PODXL2: variants seen among roughly 807,000 people sequenced by gnomAD.
PODXL2 encodes podocalyxin-like protein 2.
PODXL2 carries 17 observed loss-of-function variants against 53.4 expected under a neutral mutation model. The observed-to-expected ratio is 0.32, with a 90% CI of 0.22 to 0.48. PODXL2 has a LOEUF of 0.48. Ranked by LOEUF, PODXL2 falls within the 20% of genes least tolerant of loss-of-function variation. The probability of loss-of-function intolerance (pLI) is 0.99; values close to 1 mark genes in which losing one functional copy is unlikely to be tolerated. For missense variants in PODXL2, 673 were observed against 760.0 expected (o/e 0.89, Z 1.35); for synonymous variants, 311 against 306.7 (o/e 1.01, Z -0.15).
In PODXL2 at chr3:127,668,497, G is replaced by A; in HGVS notation, c.1263G>A (p.Leu421=). The part of the protein sequence containing the change: ...PQLLALVEEV[L]PRHGSGHHGA... ...TCCTGGCCCTGGTGGAAGAGGTGCTGCCCCGCCATGGCAGTGGCCACCATG... is the reference window on the plus strand; with the variant it reads ...TCCTGGCCCTGGTGGAAGAGGTGCTACCCCGCCATGGCAGTGGCCACCATG... The change falls in exon 5 of 8, where the codon CTG becomes CTA. Residue 421 remains leucine, a synonymous_variant. Transcript: ENST00000342480. The A allele has an allele frequency of 1.3e-6, 2 of 1,496,510 alleles. No homozygotes were observed. The highest frequency in any genetic ancestry group is 1.8e-6 in the Non-Finnish European group (2 of 1,123,080). The allele number at this position is 1,496,510 out of a possible 1,614,324, so 92.7% of individuals were successfully genotyped here. A position where few individuals can be genotyped will look rare whatever the true frequency, so the allele number is the denominator to read the frequency against.
chr3:127,637,101 G>T (rs2074582344), intron 1 of PODXL2, among the ~76,000 whole-genome samples: 1 of 152,176 alleles, frequency 6.6e-6, no homozygotes, highest in Non-Finnish European at 1.5e-5. Flanking sequence ...GGGATTTACA[G>T]GTGTGAGCCA....
At chr3:127,649,294 A>C (rs763555219) in intron 2 of PODXL2, among the ~76,000 whole-genome samples, 2 of 152,224 alleles carry the variant, frequency 1.3e-5, no homozygotes, top group Non-Finnish European at 2.9e-5. Context: ...TTCTTTGGGC[A>C]GTCCCCTGCC....
chr3:127,659,068 A>C (rs1007129067), intron 2 of PODXL2, among the ~76,000 whole-genome samples: 3 of 152,226 alleles, frequency 2.0e-5, no homozygotes, highest in Admixed American at 1.3e-4. Context: ...TCAATATCCA[A>C]GAAATTTTTC....
rs116296535 is a variant in PODXL2 at position 127,660,974 on chromosome 3, A to G, written c.946A>G (p.Ser316Gly). The G allele has an allele frequency of 2.5e-6, 4 of 1,614,216 alleles. No individual in the cohort carries two copies. In the East Asian group the frequency reaches 8.9e-5, roughly 36 times the overall value. The change falls in exon 3 of 8, where the codon AGT becomes GGT. Residue 316 changes from serine (S) to glycine (G), a missense_variant. Transcript: ENST00000342480. ...TTCATTCCCTCAAACCACAGCTCCCAGTGGGGCCGAGCACCCAGATGAAGA... is the reference window on the plus strand; with the variant it reads ...TTCATTCCCTCAAACCACAGCTCCCGGTGGGGCCGAGCACCCAGATGAAGA... Reference protein sequence around the residue: ...LPSFPQTTAPSGAEHPDEDPL... With the variant: ...LPSFPQTTAPGGAEHPDEDPL...
intron 2 of PODXL2, among the ~76,000 whole-genome samples, chr3:127,659,969 C>CG (rs2074753437): frequency 6.6e-6 from 1 of 152,222 alleles, no homozygotes; most frequent in South Asian, 2.1e-4. Context: ...ACTCTTATAA[C>CG]GACTCACTAG....
intron 4 of PODXL2, among the ~76,000 whole-genome samples, chr3:127,664,564 T>C (rs771761742): frequency 4.6e-5 from 7 of 152,190 alleles, no homozygotes; most frequent in Non-Finnish European, 5.9e-5. Context: ...TTAAATTTTT[T>C]TGAGGAATCT....
chr3:127,647,881 A>AG (rs1307935682), intron 2 of PODXL2, among the ~76,000 whole-genome samples: 1 of 152,230 alleles, frequency 6.6e-6, no homozygotes, highest in Non-Finnish European at 1.5e-5. Context: ...CCCTGAAGCC[A>AG]GGGGACATTC....
rs896524600 is a variant in PODXL2, at chr3:127,659,682, T to C, written c.350-696T>C. Reference sequence around the variant, plus strand: ...TCTGATCTCCAGGAAGTCTCCTAACTTCTCTGCTTCAAAATGTAATTCCCA... The same window carrying C: ...TCTGATCTCCAGGAAGTCTCCTAACCTCTCTGCTTCAAAATGTAATTCCCA... On this transcript the variant is annotated intron_variant, in intron 2 of 7. Transcript: ENST00000342480. 3.9e-5 allele frequency among the ~76,000 whole-genome samples: 6 copies of C among 152,328 alleles called. 1 individual carries two copies. The South Asian group carries it at 1.0e-3, about 26-fold the overall frequency.
chr3:127,641,688 T>C (rs1432491064), intron 2 of PODXL2, among the ~76,000 whole-genome samples: 1 of 151,130 alleles, frequency 6.6e-6, no homozygotes, highest in Admixed American at 6.6e-5. Context: ...TAATTTTGTA[T>C]TTTTTTTAGT....
At chr3:127,650,390 G>T (rs1179053018) in intron 2 of PODXL2, among the ~76,000 whole-genome samples, 1 of 152,148 alleles carries the variant, frequency 6.6e-6, no homozygotes, top group African/African-American at 2.4e-5. Context: ...AGGCCTAGGG[G>T]ACCCAGGCCT....
intron 2 of PODXL2, among the ~76,000 whole-genome samples, chr3:127,654,851 C>G (rs1248516635): frequency 6.6e-6 from 1 of 152,182 alleles, no homozygotes; most frequent in African/African-American, 2.4e-5. Context: ...CTTTGGAGGG[C>G]CAAGGTGGGC....
In PODXL2 at chr3:127,660,972, C is replaced by T. The variant is rs2074764180; in HGVS notation, c.944C>T (p.Pro315Leu). ...CCTTCATTCCCTCAAACCACAGCTC[C>T]CAGTGGGGCCGAGCACCCAGATGAA... ...ALPSFPQTTAPSGAEHPDEDP... is the reference protein window; with the variant it reads ...ALPSFPQTTALSGAEHPDEDP... Residue 315 changes from proline to leucine, a missense_variant, in exon 3 of 8, where the codon CCC (proline) becomes CTC (leucine). Physicochemically the swap from Pro to Leu is moderately conservative, Grantham distance 98. Coordinates refer to ENST00000342480, the MANE Select transcript of PODXL2 (RefSeq NM_015720.4). The T allele has an allele frequency of 1.2e-6, 2 of 1,614,236 alleles. No homozygotes were observed. The highest frequency in any genetic ancestry group is 1.7e-6 in the Non-Finnish European group (2 of 1,180,048).
chr3:127,672,247 C>T (rs1455010107), intron 7 of PODXL2, 21 bp from the exon 8 acceptor site: 2 of 1,536,612 alleles, frequency 1.3e-6, no homozygotes, highest in East Asian at 4.9e-5. Flanking sequence ...TCGCCCATGG[C>T]CTCTCCCCAC....
chr3:127,657,388 C>T (rs866368486), intron 2 of PODXL2, among the ~76,000 whole-genome samples: 3 of 152,198 alleles, frequency 2.0e-5, no homozygotes, highest in African/African-American at 4.8e-5. Context: ...ATTTTAAGTG[C>T]GTCCTGAAGG....
In PODXL2 at chr3:127,629,229, C is replaced by G; in HGVS notation, c.10C>G (p.Leu4Val). MGR[L>V]LRAARLPPLL... is the part of the protein sequence containing the mutation. Reference sequence around the variant, plus strand: ...CGGCGACGGCTACACCATGGGCCGGCTGCTGCGGGCCGCCCGGCTGCCGCC... The same window carrying G: ...CGGCGACGGCTACACCATGGGCCGGGTGCTGCGGGCCGCCCGGCTGCCGCC... The change falls in exon 1 of 8, where the codon CTG (leucine) becomes GTG (valine). Residue 4 changes from leucine (L) to valine (V), a missense_variant. Physicochemically the swap from Leu to Val is conservative, Grantham distance 32. Transcript: ENST00000342480. This position sits in a 1 kb window ranked among gnomAD's most constrained non-coding sequence, Gnocchi z 6.4. 2.0e-6 allele frequency: 2 copies of G among 996,260 alleles called. No homozygotes were observed. Among genetic ancestry groups the G allele is most frequent in the Non-Finnish European group, 2.4e-6 (2 of 837,618 alleles). The allele number at this position is 996,260 out of a possible 1,614,324, so 61.7% of individuals were successfully genotyped here.
rs2074758086 is a variant in PODXL2, at chr3:127,660,482, G to A, written c.454G>A (p.Val152Ile). The A allele has an allele frequency of 6.2e-7, 1 of 1,614,172 alleles. No homozygotes were observed. Among genetic ancestry groups the A allele is most frequent in the Non-Finnish European group, 8.5e-7 (1 of 1,180,032 alleles). ...CTCTCCCTTGCCCAAGATGAATCTGGTTGAGCCTCCCTGGCATATGCCTCC... is the reference window on the plus strand; with the variant it reads ...CTCTCCCTTGCCCAAGATGAATCTGATTGAGCCTCCCTGGCATATGCCTCC... Reference protein sequence around the residue: ...LPSPLPKMNLVEPPWHMPPRE... With the variant: ...LPSPLPKMNLIEPPWHMPPRE... The change falls in exon 3 of 8, where the codon GTT becomes ATT. Residue 152 changes from valine (V) to isoleucine (I), a missense_variant. Val to Ile is a conservative substitution (Grantham distance 29). Transcript: ENST00000342480.
At position 127,662,319 on chromosome 3, in the gene PODXL2, C is replaced by T. The variant is rs1157248520; in HGVS notation, c.1206+8C>T. ...ACAGAGAACATAGACTGTGTGAGTG[C>T]CCAGCCAGGCTCCGAACCGCAGGGA... On this transcript the variant is annotated splice_region_variant and intron_variant, in intron 4 of 7. Transcript: ENST00000342480. 3.7e-6 allele frequency: 6 copies of T among 1,610,328 alleles called. No individual in the cohort carries two copies. Among genetic ancestry groups the T allele is most frequent in the Non-Finnish European group, 4.2e-6 (5 of 1,177,508 alleles).
chr3:127,640,969 G>A (rs1409080816), intron 2 of PODXL2, among the ~76,000 whole-genome samples: 2 of 152,162 alleles, frequency 1.3e-5, no homozygotes, highest in Non-Finnish European at 1.5e-5. Flanking sequence ...CTAGAGTGCA[G>A]TGGCGTGACC....
intron 2 of PODXL2, among the ~76,000 whole-genome samples, chr3:127,641,319 C>T (rs554875781): frequency 3.2e-4 from 48 of 152,286 alleles, no homozygotes; most frequent in African/African-American, 1.1e-3. Flanking sequence ...AAGCGATCCT[C>T]CCACCTCAGC....
Sources: gnomAD v4.1 joint callset for allele counts (sites outside exome capture counted in the v4.1 genomes callset) on GRCh38, gnomAD v4.1.1 for gene constraint, Gnocchi (gnomAD v3.1) non-coding constraint, MANE v1.5 for transcripts, NCBI Gene and HGNC (gene_info 2026-07-23, HGNC 2026-07-21) for gene names.